The following ROR2 variants were observed in gnomAD, a reference collection of about 807,000 sequenced individuals.
ROR2 encodes the protein tyrosine-protein kinase transmembrane receptor ROR2.
In ROR2, 33 loss-of-function variants were observed where a neutral mutation model predicts 74.9. That is an observed-to-expected ratio of 0.44 (90% CI 0.33 to 0.59). The LOEUF (loss-of-function observed/expected upper bound fraction) is 0.59, where lower values mean the gene tolerates loss of function less well. Ranked by LOEUF, ROR2 falls within the 20% of genes least tolerant of loss-of-function variation. The pLI is 0.02. For missense variants in ROR2, 1,216 were observed against 1,313.8 expected (o/e 0.93, Z 1.15); for synonymous variants, 586 against 558.7 (o/e 1.05, Z -0.69).
At chr9:91,916,818 A>G (rs1434761723) in intron 1 of ROR2, among the ~76,000 whole-genome samples, 2 of 152,140 alleles carry the variant, frequency 1.3e-5, no homozygotes, top group African/African-American at 4.8e-5. Flanking sequence ...TTTTCTCCCA[A>G]GAAACTGGCA....
At chr9:91,849,021 A>C (rs1017048240) in intron 1 of ROR2, among the ~76,000 whole-genome samples, 6 of 152,170 alleles carry the variant, frequency 3.9e-5, no homozygotes, top group Non-Finnish European at 8.8e-5. Context: ...CCCTAAGTGC[A>C]GTTCCACAGC....
At chr9:91,849,501 C>G (rs967533995) in intron 1 of ROR2, among the ~76,000 whole-genome samples, 10 of 152,234 alleles carry the variant, frequency 6.6e-5, no homozygotes, top group African/African-American at 2.4e-4. Context: ...TGATTCCCAC[C>G]CTAGGCCACA....
chr9:91,820,644 A>G (rs1277821470), intron 1 of ROR2, among the ~76,000 whole-genome samples: 1 of 152,162 alleles, frequency 6.6e-6, no homozygotes, highest in Non-Finnish European at 1.5e-5. Flanking sequence ...AGTGCTTCCT[A>G]TCGATGGGTG....
intron 4 of ROR2, among the ~76,000 whole-genome samples, chr9:91,748,980 C>T (rs1825520370): frequency 2.0e-5 from 3 of 152,128 alleles, no homozygotes; most frequent in South Asian, 4.1e-4. Flanking sequence ...GAGCCGATAC[C>T]GTGCCACTGC....
Position 91,905,698 on chromosome 9 carries a change from G to A in ROR2, c.97+44169C>T, listed in dbSNP as rs1049775731. 1.4e-5 allele frequency among the ~76,000 whole-genome samples: 2 copies of A among 139,796 alleles called. No homozygotes were observed. Among genetic ancestry groups the A allele is most frequent in the African/African-American group, 2.6e-5 (1 of 38,828 alleles). The allele number at this position is 139,796 out of a possible 152,430, so 91.7% of individuals were successfully genotyped here. On this transcript the variant is annotated intron_variant, in intron 1 of 8. Transcript: ENST00000375708. The surrounding 1 kb of genome is among the most constrained non-coding windows in gnomAD (Gnocchi z 5.3). ...CCAAAATCTGTTTTTCTTTTTAGAA[G>A]ACCACAAACCCCACTACATGGTAGA...
chr9:91,835,079 C>A (rs1828571456), intron 1 of ROR2, among the ~76,000 whole-genome samples: 1 of 149,476 alleles, frequency 6.7e-6, no homozygotes, highest in South Asian at 2.1e-4. Flanking sequence ...GCTGAAGATG[C>A]CTAAAGAGAC....
At chr9:91,845,264 C>G (rs1587775473) in intron 1 of ROR2, among the ~76,000 whole-genome samples, 3 of 152,106 alleles carry the variant, frequency 2.0e-5, no homozygotes, top group Admixed American at 6.5e-5. Flanking sequence ...CTGGGGAAGC[C>G]AGGCCCTGAC....
In ROR2 at chr9:91,905,423, TCACA is replaced by T. The variant is rs1462932290; in HGVS notation, c.97+44440_97+44443del. On this transcript the variant is annotated intron_variant, in intron 1 of 8. Coordinates refer to ENST00000375708, the MANE Select transcript of ROR2 (RefSeq NM_004560.4). The surrounding 1 kb of genome is among the most constrained non-coding windows in gnomAD (Gnocchi z 5.3). ...AGACAAAAACTATACAAATGTCACA[TCACA>T]CAAAGATGACAACACAACCCAACAC... 6.7e-6 allele frequency among the ~76,000 whole-genome samples: 1 copy of T among 148,524 alleles called. No individual in the cohort carries two copies. Among genetic ancestry groups the T allele is most frequent in the African/African-American group, 2.5e-5 (1 of 40,078 alleles).
chr9:91,736,821 C>T (rs892608015), intron 5 of ROR2, among the ~76,000 whole-genome samples: 3 of 152,168 alleles, frequency 2.0e-5, no homozygotes, highest in African/African-American at 7.2e-5. Flanking sequence ...GCCACTTTCT[C>T]AGACCCTGAA....
chr9:91,729,558 C>T (rs1837161884), intron 7 of ROR2, among the ~76,000 whole-genome samples: 1 of 152,188 alleles, frequency 6.6e-6, no homozygotes. Context: ...TAGAGACACG[C>T]GGGCCTGCAC....
In ROR2 at chr9:91,723,701, A is replaced by T. The variant is rs2118604294; in HGVS notation, c.2793T>A (p.Thr931=). ...PETELLGDCD[T]LQVDEAQVQL... ...GGACTTGGGCCTCGTCCACCTGCAG[A>T]GTGTCACAGTCCCCCAGCAGCTCAG... The change falls in exon 9 of 9, where the codon ACT becomes ACA. Residue 931 remains threonine, a synonymous_variant. Coordinates refer to ENST00000375708, the MANE Select transcript of ROR2 (RefSeq NM_004560.4). 2 of 1,613,788 alleles carry T rather than the reference A, an allele frequency of 1.2e-6. No individual in the cohort carries two copies. The highest frequency in any genetic ancestry group is 1.7e-6 in the Non-Finnish European group (2 of 1,179,980).
intron 1 of ROR2, among the ~76,000 whole-genome samples, chr9:91,804,222 T>C (rs1827478434): frequency 6.6e-6 from 1 of 152,336 alleles, no homozygotes; most frequent in Non-Finnish European, 1.5e-5. Flanking sequence ...GCAGCAGGAA[T>C]GGCAGGCTCA....
At chr9:91,737,283 G>T in intron 5 of ROR2, 108 bp downstream of exon 5, 1 of 1,377,026 alleles carries the variant, frequency 7.3e-7, no homozygotes, top group Non-Finnish European at 1.0e-6. Flanking sequence ...AATGGAAGAG[G>T]CACCCACTGA....
intron 1 of ROR2, among the ~76,000 whole-genome samples, chr9:91,796,563 T>A (rs560079381): frequency 6.6e-6 from 1 of 152,276 alleles, no homozygotes; most frequent in South Asian, 2.1e-4. Flanking sequence ...TGATAATGTC[T>A]ATTTGAGGTT....
chr9:91,938,649 G>C (rs1213043540), intron 1 of ROR2, among the ~76,000 whole-genome samples: 2 of 152,178 alleles, frequency 1.3e-5, no homozygotes, highest in Non-Finnish European at 2.9e-5. Context: ...TCTTATTCTA[G>C]AGATTGGTAT....
intron 1 of ROR2, among the ~76,000 whole-genome samples, chr9:91,896,600 T>C (rs913532613): frequency 3.9e-5 from 6 of 152,144 alleles, no homozygotes; most frequent in African/African-American, 1.2e-4. Flanking sequence ...ATTAGAGAAA[T>C]TGCCTCACTG....
At chr9:91,727,203 C>T (rs1281913067) in intron 7 of ROR2, among the ~76,000 whole-genome samples, 3 of 152,150 alleles carry the variant, frequency 2.0e-5, no homozygotes, top group Non-Finnish European at 4.4e-5. Flanking sequence ...TCCTTTTCCT[C>T]ATTCAACATT....
intron 1 of ROR2, among the ~76,000 whole-genome samples, chr9:91,877,513 T>G (rs1528363): frequency 6.6e-6 from 1 of 152,002 alleles, no homozygotes; most frequent in African/African-American, 2.4e-5. Context: ...GAAAAGAAGA[T>G]AGATACCTAT....
At chr9:91,782,584 C>CAAAA (rs55664591) in intron 1 of ROR2, among the ~76,000 whole-genome samples, 4 of 79,784 alleles carry the variant, frequency 5.0e-5, no homozygotes, top group Non-Finnish European at 7.3e-5. Context: ...TAGCTGATAG[C>CAAAA]AAAAAAAAAA....
Sources: allele counts gnomAD v4.1 joint callset (sites outside exome capture counted in the v4.1 genomes callset), GRCh38; gene constraint gnomAD v4.1.1; non-coding constraint Gnocchi (gnomAD v3.1); transcripts MANE v1.5; gene names NCBI Gene and HGNC (gene_info 2026-07-23, HGNC 2026-07-21).